The following CIRSR variants were observed in gnomAD, a reference collection of about 807,000 sequenced individuals.
The protein encoded by CIRSR is CBF1 (RBPJ) interacting corepressor 1.
the CIRSR span, among the ~76,000 whole-genome samples, chr2:174,362,000 A>T: frequency 6.6e-6 from 1 of 152,170 alleles, no homozygotes; most frequent in African/African-American, 2.4e-5. Context: ...AGCTAAATTT[A>T]AAAAAATTAT....
At chr2:174,354,569 T>TTTTA in the CIRSR span, among the ~76,000 whole-genome samples, 1 of 15,412 alleles carries the variant, frequency 6.5e-5, no homozygotes, top group Non-Finnish European at 2.1e-4. Context: ...ATTTTATATA[T>TTTTA]TATATTATAT....
the CIRSR span, among the ~76,000 whole-genome samples, chr2:174,391,101 T>C: frequency 6.6e-6 from 1 of 152,226 alleles, no homozygotes; most frequent in Non-Finnish European, 1.5e-5. Context: ...TTATAATTTA[T>C]TTATCTCATA....
At chr2:174,356,514 A>AG in the CIRSR span, among the ~76,000 whole-genome samples, 4 of 77,274 alleles carry the variant, frequency 5.2e-5, no homozygotes, top group Admixed American at 6.4e-4. Flanking sequence ...AAGGGAAGGA[A>AG]GAAAGAAAGA....
the CIRSR span, among the ~76,000 whole-genome samples, chr2:174,375,339 A>G: frequency 1.3e-5 from 2 of 152,332 alleles, no homozygotes. Context: ...TGGGCACGGT[A>G]TATCACACCT....
the CIRSR span, chr2:174,381,885 T>C: frequency 1.3e-6 from 1 of 748,714 alleles, no homozygotes; most frequent in Non-Finnish European, 2.2e-6. Context: ...TAAAATATTT[T>C]TGTTAGAAAC....
the CIRSR span, chr2:174,348,411 C>A: frequency 6.6e-7 from 1 of 1,511,306 alleles, no homozygotes; most frequent in East Asian, 2.3e-5. Flanking sequence ...ATAATTTACC[C>A]CTTGCTAAAG....
chr2:174,389,299 T>C, the CIRSR span, among the ~76,000 whole-genome samples: 113,868 of 152,042 alleles, frequency 0.75, 42,764 homozygotes, highest in South Asian at 0.85. Context: ...TTAACCAAAA[T>C]GCTGATAGTA....
the CIRSR span, among the ~76,000 whole-genome samples, chr2:174,353,401 A>G: frequency 6.6e-6 from 1 of 152,222 alleles, no homozygotes; most frequent in Non-Finnish European, 1.5e-5. Context: ...CTTAAATAAA[A>G]TTGAATTTTA....
chr2:174,366,631 G>A, the CIRSR span, among the ~76,000 whole-genome samples: 1 of 152,190 alleles, frequency 6.6e-6, no homozygotes, highest in African/African-American at 2.4e-5. Context: ...AGAAAGAAAT[G>A]AAGTTTGTAA....
At chr2:174,375,336 G>A in the CIRSR span, among the ~76,000 whole-genome samples, 268 of 152,244 alleles carry the variant, frequency 1.8e-3, no homozygotes, top group Middle Eastern at 3.4e-3. Flanking sequence ...GGCTGGGCAC[G>A]GTATATCACA....
At chr2:174,348,828 T>C in the CIRSR span, 2 of 1,614,210 alleles carry the variant, frequency 1.2e-6, no homozygotes, top group African/African-American at 1.3e-5. Flanking sequence ...AGAACTCTCG[T>C]GTTTTAAGAA....
At chr2:174,350,723 T>TG in the CIRSR span, 1 of 1,609,600 alleles carries the variant, frequency 6.2e-7, no homozygotes. Context: ...TGGATCTTCT[T>TG]CACCCTCACT....
the CIRSR span, chr2:174,387,738 TTTC>T: frequency 6.3e-7 from 1 of 1,599,730 alleles, no homozygotes; most frequent in Non-Finnish European, 8.5e-7. Context: ...ATTCTTCTTG[TTTC>T]TTCTTATCAT....
At chr2:174,388,880 G>C in the CIRSR span, among the ~76,000 whole-genome samples, 2 of 152,156 alleles carry the variant, frequency 1.3e-5, no homozygotes, top group Non-Finnish European at 2.9e-5. Flanking sequence ...CTGTTCTCAT[G>C]ACAGTGGGTG....
the CIRSR span, chr2:174,351,843 T>C: frequency 1.6e-6 from 1 of 609,686 alleles, no homozygotes; most frequent in Non-Finnish European, 2.7e-6. Flanking sequence ...ATCAACTCAA[T>C]AATCTTCTGC....
At chr2:174,356,164 G>A in the CIRSR span, among the ~76,000 whole-genome samples, 2 of 151,708 alleles carry the variant, frequency 1.3e-5, no homozygotes, top group African/African-American at 2.4e-5. Flanking sequence ...AGGTAAGGCT[G>A]AATTAGAAAT....
the CIRSR span, chr2:174,350,792 T>C: frequency 7.6e-7 from 1 of 1,312,200 alleles, no homozygotes. Flanking sequence ...CAACACAAGG[T>C]AGTTAGTAGA....
the CIRSR span, chr2:174,349,260 A>C: frequency 2.4e-6 from 2 of 824,618 alleles, no homozygotes; most frequent in Non-Finnish European, 3.6e-6. Context: ...ATATTTTCTT[A>C]GAAGTTATTA....
the CIRSR span, among the ~76,000 whole-genome samples, chr2:174,356,134 G>C: frequency 1.3e-5 from 2 of 152,078 alleles, no homozygotes; most frequent in African/African-American, 4.8e-5. Flanking sequence ...AGGAGAAAAG[G>C]GGGCAGTGAG....
Sources: allele counts gnomAD v4.1 joint callset (sites outside exome capture counted in the v4.1 genomes callset), GRCh38; gene constraint gnomAD v4.1.1; transcripts MANE v1.5; gene names NCBI Gene and HGNC (gene_info 2026-07-23, HGNC 2026-07-21).